Variants in DACH2 observed in about 807,000 individuals in gnomAD.
DACH2 encodes the protein dachshund homolog 2.
Under a neutral mutation model 35.8 loss-of-function variants are expected in DACH2, and 17 were observed. The observed-to-expected ratio is 0.48, with a 90% CI of 0.33 to 0.71. The LOEUF (loss-of-function observed/expected upper bound fraction) is 0.71, where lower values mean the gene tolerates loss of function less well. Among genes scored for constraint, DACH2 ranks in the 30% least tolerant of loss-of-function variants. The pLI is 0.02. For missense variants in DACH2, 469 were observed against 472.7 expected (o/e 0.99, Z 0.07); for synonymous variants, 195 against 177.3 (o/e 1.10, Z -0.79).
intron 2 of DACH2, among the ~76,000 whole-genome samples, chrX:86,414,104 C>T (rs1255436679): frequency 9.0e-6 from 1 of 111,505 alleles, no homozygotes; most frequent in Admixed American, 9.5e-5. Flanking sequence ...CAAGGGGACC[C>T]AGCCTCCCTT....
chrX:86,221,893 G>A (rs756966117), intron 1 of DACH2, among the ~76,000 whole-genome samples: 2 of 112,247 alleles, frequency 1.8e-5, no homozygotes, highest in African/African-American at 3.2e-5. Context: ...TCCTTAGCTT[G>A]CAGATGGCTG....
chrX:86,564,939 C>T (rs911342215), intron 3 of DACH2, among the ~76,000 whole-genome samples: 2 of 111,279 alleles, frequency 1.8e-5, no homozygotes, highest in Non-Finnish European at 3.8e-5. Context: ...TAGACTGCTG[C>T]ACAAATCTAT....
intron 3 of DACH2, among the ~76,000 whole-genome samples, chrX:86,633,420 C>A (rs2148390302): frequency 9.0e-6 from 1 of 111,218 alleles, no homozygotes; most frequent in Admixed American, 9.6e-5. Context: ...GCTGGACAGA[C>A]CAATAATAAG....
At chrX:86,489,285 A>G (rs2038062115) in intron 2 of DACH2, among the ~76,000 whole-genome samples, 1 of 110,680 alleles carries the variant, frequency 9.0e-6, no homozygotes, top group Admixed American at 9.7e-5. Flanking sequence ...GATTGATGAC[A>G]TAGATTTTAA....
chrX:86,540,980 A>G (rs2038872331), intron 3 of DACH2, among the ~76,000 whole-genome samples: 1 of 111,826 alleles, frequency 8.9e-6, no homozygotes, highest in East Asian at 2.8e-4. Context: ...AGTTCTTATG[A>G]GCTGAGGGAC....
At chrX:86,662,552 C>A (rs1292207585) in intron 4 of DACH2, among the ~76,000 whole-genome samples, 1 of 109,659 alleles carries the variant, frequency 9.1e-6, no homozygotes, top group Admixed American at 9.7e-5. Context: ...GAGATCACGC[C>A]GCTGCACTCC....
At chrX:86,425,373 T>A (rs1464473644) in intron 2 of DACH2, among the ~76,000 whole-genome samples, 1 of 110,772 alleles carries the variant, frequency 9.0e-6, no homozygotes, top group Admixed American at 9.7e-5. Flanking sequence ...ATTGGTCTGT[T>A]CAGGTTTTGG....
chrX:86,435,406 A>G (rs1274271925), intron 2 of DACH2, among the ~76,000 whole-genome samples: 1 of 112,122 alleles, frequency 8.9e-6, no homozygotes, highest in Admixed American at 9.5e-5. Flanking sequence ...TTCCAAATTT[A>G]TATACATTTG....
intron 3 of DACH2, among the ~76,000 whole-genome samples, chrX:86,564,231 T>G (rs1369704568): frequency 9.0e-6 from 1 of 111,452 alleles, no homozygotes; most frequent in Non-Finnish European, 1.9e-5. Context: ...TAATGTGATC[T>G]CCAACCTAAT....
chrX:86,435,079 C>T (rs767337705), intron 2 of DACH2, among the ~76,000 whole-genome samples: 2 of 111,222 alleles, frequency 1.8e-5, no homozygotes, highest in African/African-American at 6.5e-5. Flanking sequence ...GCCCACTAGG[C>T]CCCATCTCCA....
In DACH2 at chrX:86,169,075, A is replaced by G. The variant is rs376185255; in HGVS notation, c.488+19967A>G. Among the ~76,000 whole-genome samples, 3 of 111,685 alleles carry G rather than the reference A, an allele frequency of 2.7e-5. No homozygotes were observed. The South Asian group carries it at 1.1e-3, about 42-fold the overall frequency. ...AAGTATTCCCTTTAGCATTGCTTAT[A>G]AGATAGGTCTGATGTTGATAAAATC... On this transcript the variant is annotated intron_variant, in intron 1 of 11. Coordinates refer to ENST00000373125, the MANE Select transcript of DACH2 (RefSeq NM_053281.3).
intron 2 of DACH2, 26 bp from the exon 3 acceptor site, chrX:86,514,253 A>G (rs371921500): frequency 1.6e-4 from 181 of 1,155,719 alleles, no homozygotes; most frequent in Non-Finnish European, 1.9e-4. Flanking sequence ...TTTAACCTTT[A>G]TCTATATTTG....
intron 1 of DACH2, among the ~76,000 whole-genome samples, chrX:86,164,286 G>GT (rs1418809898): frequency 6.3e-5 from 7 of 110,488 alleles, no homozygotes; most frequent in Non-Finnish European, 9.5e-5. Flanking sequence ...GGAGTGGTTT[G>GT]TTTTTTTCTT....
rs753210993 is a variant in DACH2, at chrX:86,387,793, A to T, written c.527+10931A>T. 9.8e-5 allele frequency among the ~76,000 whole-genome samples: 11 copies of T among 112,174 alleles called. No individual in the cohort carries two copies. In the South Asian group the frequency reaches 4.0e-3, roughly 41 times the overall value. On this transcript the variant is annotated intron_variant, in intron 2 of 11. Coordinates refer to ENST00000373125, the MANE Select transcript of DACH2 (RefSeq NM_053281.3). ...ACTGAGCCATTGAATTATATTACTA[A>T]CACTTACATTATTTTCTATTTCTCA...
intron 1 of DACH2, among the ~76,000 whole-genome samples, chrX:86,356,957 C>G (rs2035653361): frequency 9.0e-6 from 1 of 111,091 alleles, no homozygotes; most frequent in Non-Finnish European, 1.9e-5. Context: ...CCTTTCTCCC[C>G]TACTCTCTGT....
intron 2 of DACH2, among the ~76,000 whole-genome samples, chrX:86,442,652 A>C (rs35416246): frequency 9.2e-6 from 1 of 108,307 alleles, no homozygotes; most frequent in African/African-American, 3.4e-5. Flanking sequence ...CATCTCCCCA[A>C]GTTTTCTTCT....
At chrX:86,584,560 A>G (rs1458044408) in intron 3 of DACH2, among the ~76,000 whole-genome samples, 2 of 111,047 alleles carry the variant, frequency 1.8e-5, no homozygotes, top group Admixed American at 9.7e-5. Flanking sequence ...TTGATTCAAA[A>G]TCACCTTTCT....
chrX:86,278,034 G>A (rs1470789127), intron 1 of DACH2, among the ~76,000 whole-genome samples: 1 of 111,609 alleles, frequency 9.0e-6, no homozygotes, highest in African/African-American at 3.3e-5. Flanking sequence ...TGGTTAGACC[G>A]AGAAGATGCT....
intron 3 of DACH2, among the ~76,000 whole-genome samples, chrX:86,539,551 C>G (rs764946421): frequency 1.6e-4 from 18 of 111,252 alleles, no homozygotes; most frequent in Non-Finnish European, 2.8e-4. Flanking sequence ...TTTGTTGTTG[C>G]TCATGATACT....
Sources: gnomAD v4.1 joint callset for allele counts (sites outside exome capture counted in the v4.1 genomes callset) on GRCh38, gnomAD v4.1.1 for gene constraint, MANE v1.5 for transcripts, NCBI Gene and HGNC (gene_info 2026-07-23, HGNC 2026-07-21) for gene names.